Variants in SLC16A7 observed in about 807,000 individuals in gnomAD.
SLC16A7 encodes the protein solute carrier family 16 member 7.
A neutral mutation model predicts 34.9 loss-of-function variants in SLC16A7; 33 were observed. The observed-to-expected ratio is 0.94, with a 90% CI of 0.72 to 1.26. The LOEUF is 1.26. Ranked by LOEUF, SLC16A7 falls within the 50% of genes most tolerant of loss-of-function variation. The pLI is 0.00. For synonymous variants in SLC16A7, 201 were observed against 206.6 expected (o/e 0.97, Z 0.23); for missense variants, 573 against 578.1 (o/e 0.99, Z 0.09).
intron 2 of SLC16A7, among the ~76,000 whole-genome samples, chr12:59,701,131 C>A (rs1872826363): frequency 6.6e-6 from 1 of 151,718 alleles, no homozygotes; most frequent in African/African-American, 2.4e-5. Flanking sequence ...CTTCACTCAT[C>A]TTCATTTTAT....
At chr12:59,618,802 C>G (rs777274544) in intron 1 of SLC16A7, among the ~76,000 whole-genome samples, 67 of 151,948 alleles carry the variant, frequency 4.4e-4, no homozygotes, top group Admixed American at 4.6e-4. Context: ...CTGAAAATCA[C>G]TTTTTTTCTG....
intron 3 of SLC16A7, among the ~76,000 whole-genome samples, chr12:59,755,951 T>C (rs544375243): frequency 1.8e-4 from 27 of 152,112 alleles, no homozygotes; most frequent in African/African-American, 4.6e-4. Flanking sequence ...GAAATAACGC[T>C]GCATATCTAC....
At chr12:59,729,921 G>C (rs1876735668) in intron 3 of SLC16A7, among the ~76,000 whole-genome samples, 1 of 152,166 alleles carries the variant, frequency 6.6e-6, no homozygotes, top group African/African-American at 2.4e-5. Flanking sequence ...AGTTTAGGAA[G>C]GGATTCATTC....
At chr12:59,623,623 T>A (rs1291106551) in intron 1 of SLC16A7, among the ~76,000 whole-genome samples, 1 of 151,762 alleles carries the variant, frequency 6.6e-6, no homozygotes, top group Non-Finnish European at 1.5e-5. Context: ...ATGTTTTATC[T>A]ATCAAACTTG....
intron 4 of SLC16A7, among the ~76,000 whole-genome samples, chr12:59,772,469 A>G (rs927031738): frequency 2.6e-5 from 4 of 152,190 alleles, no homozygotes; most frequent in African/African-American, 7.2e-5. Flanking sequence ...ACAGATATCA[A>G]TGGCATTATT....
At chr12:59,676,772 A>G (rs1054949073) in intron 2 of SLC16A7, among the ~76,000 whole-genome samples, 2 of 152,152 alleles carry the variant, frequency 1.3e-5, no homozygotes, top group African/African-American at 4.8e-5. Context: ...TAAGTAGGTA[A>G]AGGGACATAT....
chr12:59,758,149 TTTTA>T (rs1349663969), intron 3 of SLC16A7, among the ~76,000 whole-genome samples: 1 of 152,060 alleles, frequency 6.6e-6, no homozygotes, highest in South Asian at 2.1e-4. Flanking sequence ...TGTATGTAAT[TTTTA>T]TTTGTCAATT....
intron 2 of SLC16A7, among the ~76,000 whole-genome samples, chr12:59,681,516 A>G (rs1870748372): frequency 6.6e-6 from 1 of 152,158 alleles, no homozygotes; most frequent in Non-Finnish European, 1.5e-5. Context: ...TGCTTCAAAA[A>G]ATTGTGGAAC....
At chr12:59,737,065 G>T (rs910185764) in intron 3 of SLC16A7, among the ~76,000 whole-genome samples, 1 of 152,178 alleles carries the variant, frequency 6.6e-6, no homozygotes, top group South Asian at 2.1e-4. Flanking sequence ...CACAGACACC[G>T]GCTCTCAAGA....
chr12:59,740,416 G>A (rs1365140084), intron 3 of SLC16A7, among the ~76,000 whole-genome samples: 2 of 152,092 alleles, frequency 1.3e-5, no homozygotes, highest in Admixed American at 6.6e-5. Flanking sequence ...CTCTGTTTTG[G>A]TACCAGTACC....
intron 1 of SLC16A7, among the ~76,000 whole-genome samples, chr12:59,609,108 G>A (rs1879074309): frequency 6.6e-6 from 1 of 152,184 alleles, no homozygotes; most frequent in Admixed American, 6.5e-5. Context: ...GTCATGCCCA[G>A]GGAAGAATCA....
intron 3 of SLC16A7, among the ~76,000 whole-genome samples, chr12:59,731,902 G>A (rs778409514): frequency 2.0e-5 from 3 of 152,158 alleles, no homozygotes; most frequent in African/African-American, 4.8e-5. Flanking sequence ...CCTTGAACCT[G>A]TGTGAGAATT....
intron 1 of SLC16A7, among the ~76,000 whole-genome samples, chr12:59,638,132 T>C (rs538125388): frequency 6.6e-6 from 1 of 152,086 alleles, no homozygotes; most frequent in Non-Finnish European, 1.5e-5. Context: ...TGTGTTGAAA[T>C]GTAACTGGAT....
chr12:59,650,057 G>A (rs1436663229), intron 1 of SLC16A7, among the ~76,000 whole-genome samples: 3 of 151,922 alleles, frequency 2.0e-5, no homozygotes, highest in Admixed American at 2.0e-4. Context: ...TTAATATTTA[G>A]TGTTTAGGAT....
intron 3 of SLC16A7, among the ~76,000 whole-genome samples, chr12:59,741,126 G>A (rs1878280570): frequency 6.6e-6 from 1 of 151,974 alleles, no homozygotes; most frequent in African/African-American, 2.4e-5. Context: ...CATGAAAATG[G>A]CCATACTGCC....
intron 1 of SLC16A7, among the ~76,000 whole-genome samples, chr12:59,607,808 A>G (rs1011973771): frequency 2.0e-5 from 3 of 152,160 alleles, no homozygotes; most frequent in Non-Finnish European, 4.4e-5. Flanking sequence ...AGATGTTATT[A>G]TTTCCATTTT....
At chr12:59,749,208 G>T (rs1251582931) in intron 3 of SLC16A7, among the ~76,000 whole-genome samples, 1 of 152,166 alleles carries the variant, frequency 6.6e-6, no homozygotes, top group African/African-American at 2.4e-5. Flanking sequence ...TGCAATTTAT[G>T]ATTAGGACTG....
intron 1 of SLC16A7, among the ~76,000 whole-genome samples, chr12:59,609,427 C>T (rs1010919567): frequency 4.0e-5 from 6 of 151,612 alleles, no homozygotes; most frequent in Non-Finnish European, 5.9e-5. Context: ...TTTGGCATAT[C>T]TGGACTTTAG....
intron 1 of SLC16A7, among the ~76,000 whole-genome samples, chr12:59,618,433 G>C (rs2136977478): frequency 6.6e-6 from 1 of 151,928 alleles, no homozygotes; most frequent in Non-Finnish European, 1.5e-5. Flanking sequence ...CAATAATGGG[G>C]CAAAAAAGAT....
Sources: allele counts gnomAD v4.1 joint callset (sites outside exome capture counted in the v4.1 genomes callset), GRCh38; gene constraint gnomAD v4.1.1; transcripts MANE v1.5; gene names NCBI Gene and HGNC (gene_info 2026-07-23, HGNC 2026-07-21).